Variants in MAP4K3 observed in about 807,000 individuals in gnomAD.
MAP4K3 encodes mitogen-activated protein kinase kinase kinase kinase 3.
MAP4K3 carries 94 observed loss-of-function variants against 143.5 expected under a neutral mutation model. The ratio of observed to expected loss-of-function variants is 0.65; its 90% CI spans 0.55 to 0.78. The LOEUF is 0.78. Ranked by LOEUF, MAP4K3 falls within the 30% of genes least tolerant of loss-of-function variation. The pLI, the probability that MAP4K3 is intolerant of heterozygous loss-of-function variation, is 0.00. For missense variants in MAP4K3, 1,077 were observed against 1,068.1 expected (o/e 1.01, Z -0.12); for synonymous variants, 416 against 347.2 (o/e 1.20, Z -2.20).
At chr2:39,254,400 G>T in intron 32 of MAP4K3, 50 bp downstream of exon 32, 1 of 1,420,852 alleles carries the variant, frequency 7.0e-7, no homozygotes, top group Non-Finnish European at 9.9e-7. Context: ...ACTGTTTGAA[G>T]TGGAATTTGA....
intron 18 of MAP4K3, among the ~76,000 whole-genome samples, chr2:39,292,183 TGTA>T (rs1268701290): frequency 6.6e-6 from 1 of 152,234 alleles, no homozygotes; most frequent in Non-Finnish European, 1.5e-5. Context: ...TCTTTGTAGT[TGTA>T]GTAAAATTAC....
At chr2:39,361,934 A>C (rs183754562) in intron 2 of MAP4K3, among the ~76,000 whole-genome samples, 32 of 152,184 alleles carry the variant, frequency 2.1e-4, no homozygotes, top group African/African-American at 7.5e-4. Context: ...ATAAGAAAAC[A>C]AAGTATTCTG....
chr2:39,319,561 C>T (rs1262124688), intron 12 of MAP4K3, among the ~76,000 whole-genome samples: 3 of 152,084 alleles, frequency 2.0e-5, no homozygotes, highest in Non-Finnish European at 4.4e-5. Context: ...ACTATATTTT[C>T]AGTGTTTTTA....
At chr2:39,356,226 C>A in intron 3 of MAP4K3, 23 bp downstream of exon 3, 1 of 1,427,676 alleles carries the variant, frequency 7.0e-7, no homozygotes, top group South Asian at 1.3e-5. Context: ...TATTGCTTTT[C>A]AAAAGGGAAA....
At chr2:39,255,573 C>T (rs1318341756) in intron 31 of MAP4K3, among the ~76,000 whole-genome samples, 3 of 152,154 alleles carry the variant, frequency 2.0e-5, no homozygotes, top group Admixed American at 6.5e-5. Context: ...GTGTTGTTAC[C>T]ACACTACCTT....
At chr2:39,360,345 A>T (rs1159550007) in intron 2 of MAP4K3, among the ~76,000 whole-genome samples, 1 of 152,210 alleles carries the variant, frequency 6.6e-6, no homozygotes, top group Non-Finnish European at 1.5e-5. Flanking sequence ...ATTTTGATCA[A>T]AGCCATTCAA....
Position 39,437,198 on chromosome 2 carries a change from C to G in MAP4K3, c.-211G>C, listed in dbSNP as rs567813735. 1.1e-3 allele frequency: 360 copies of G among 338,870 alleles called. 1 individual carries two copies. The highest frequency in any genetic ancestry group is 1.7e-3 in the Non-Finnish European group (321 of 190,792). 21.0% of individuals were successfully genotyped at this position (338,870 alleles called of 1,614,324 possible). A position where few individuals can be genotyped will look rare whatever the true frequency, so the allele number is the denominator to read the frequency against. On this transcript the variant is annotated 5_prime_UTR_variant, in exon 1 of 34. Transcript: ENST00000263881. ...GCCAATCGTCCCCGCCCCCCGCGGCCCGCCGCCGCGCCGAACCTGGTCACA... is the reference window on the plus strand; with the variant it reads ...GCCAATCGTCCCCGCCCCCCGCGGCGCGCCGCCGCGCCGAACCTGGTCACA...
At chr2:39,263,596 G>A (rs1016404457) in intron 28 of MAP4K3, among the ~76,000 whole-genome samples, 41 of 152,082 alleles carry the variant, frequency 2.7e-4, no homozygotes, top group African/African-American at 9.4e-4. Context: ...AAGTCTTGAC[G>A]CAGAGAGACA....
At chr2:39,353,925 A>C (rs1470820769) in intron 3 of MAP4K3, among the ~76,000 whole-genome samples, 1 of 152,190 alleles carries the variant, frequency 6.6e-6, no homozygotes, top group Non-Finnish European at 1.5e-5. Flanking sequence ...ACAGAGGCAC[A>C]AACTGGTTAA....
intron 3 of MAP4K3, among the ~76,000 whole-genome samples, chr2:39,351,213 G>A (rs978635469): frequency 1.3e-5 from 2 of 152,166 alleles, no homozygotes; most frequent in East Asian, 1.9e-4. Context: ...TCTAATGTGA[G>A]ACCAGTAGCT....
chr2:39,379,476 G>T lies in MAP4K3; in HGVS notation c.97-1353C>A, dbSNP rs370516854. Among the ~76,000 whole-genome samples the T allele has an allele frequency of 3.3e-5, 5 of 152,168 alleles. No homozygotes were observed. The East Asian group carries it at 9.6e-4, about 29-fold the overall frequency. On this transcript the variant is annotated intron_variant, in intron 1 of 33. Coordinates refer to ENST00000263881, the MANE Select transcript of MAP4K3 (RefSeq NM_003618.4). ...GGGATAGATGTTTCAAATAGACAGT[G>T]CTGGATACTAGTTCCTTTCTCTAGG...
chr2:39,268,053 T>A (rs1246721212), intron 26 of MAP4K3, among the ~76,000 whole-genome samples: 4 of 152,190 alleles, frequency 2.6e-5, no homozygotes. Context: ...TATAAAAATT[T>A]GTGAAGAATT....
chr2:39,367,094 T>TA (rs965092779), intron 2 of MAP4K3, among the ~76,000 whole-genome samples: 8 of 152,302 alleles, frequency 5.3e-5, no homozygotes, highest in Admixed American at 3.3e-4. Flanking sequence ...AAAAATAACT[T>TA]AGAGTCTATT....
intron 12 of MAP4K3, among the ~76,000 whole-genome samples, chr2:39,322,942 T>C (rs1204063752): frequency 6.6e-6 from 1 of 152,196 alleles, no homozygotes; most frequent in East Asian, 1.9e-4. Context: ...AGTGCTGGGA[T>C]TACAGGCATA....
Position 39,307,952 on chromosome 2 carries a change from T to C in MAP4K3, c.1110A>G (p.Arg370=), listed in dbSNP as rs1375350045. 1 of 1,573,424 alleles carries C rather than the reference T, an allele frequency of 6.4e-7. No individual in the cohort carries two copies. ...DSSEEIYYTA[R]SNLDLQLEYG... Reference sequence around the variant, plus strand: ...AGAAGATGAGAAATACCAGATTAGATCTTGCAGTGTAGTATATTTCTTCTG... The same window carrying C: ...AGAAGATGAGAAATACCAGATTAGACCTTGCAGTGTAGTATATTTCTTCTG... Residue 370 remains arginine (R), a synonymous_variant, in exon 15 of 34, where the codon AGA becomes AGG. Coordinates refer to ENST00000263881, the MANE Select transcript of MAP4K3 (RefSeq NM_003618.4).
intron 3 of MAP4K3, among the ~76,000 whole-genome samples, chr2:39,352,986 T>C (rs558272178): frequency 6.6e-6 from 1 of 152,304 alleles, no homozygotes; most frequent in East Asian, 1.9e-4. Context: ...GATCCTCCTT[T>C]GTAAAGTCAT....
chr2:39,409,587 C>A (rs548238527), intron 1 of MAP4K3, among the ~76,000 whole-genome samples: 1 of 152,136 alleles, frequency 6.6e-6, no homozygotes, highest in South Asian at 2.1e-4. Context: ...TAAAGCTAAA[C>A]TAGATGTTTC....
chr2:39,327,047 T>C (rs1032642890), intron 8 of MAP4K3, among the ~76,000 whole-genome samples: 2 of 152,218 alleles, frequency 1.3e-5, no homozygotes, highest in African/African-American at 2.4e-5. Context: ...AAAAGGTTTA[T>C]AAAAATATAC....
intron 8 of MAP4K3, among the ~76,000 whole-genome samples, chr2:39,328,564 G>A (rs1458432727): frequency 2.0e-5 from 3 of 152,144 alleles, no homozygotes; most frequent in African/African-American, 4.8e-5. Flanking sequence ...TGCTACGGAT[G>A]GAGGTAGAGC....
Sources: gnomAD v4.1 joint callset for allele counts (sites outside exome capture counted in the v4.1 genomes callset) on GRCh38, gnomAD v4.1.1 for gene constraint, MANE v1.5 for transcripts, NCBI Gene and HGNC (gene_info 2026-07-23, HGNC 2026-07-21) for gene names.